ITPR1: variants seen among roughly 807,000 people sequenced by gnomAD.
ITPR1 encodes inositol 1,4,5-trisphosphate-gated calcium channel ITPR1.
A neutral mutation model predicts 318.4 loss-of-function variants in ITPR1; 96 were observed. The observed-to-expected ratio is 0.30, with a 90% CI of 0.26 to 0.36. The LOEUF is 0.36. Ranked by LOEUF, ITPR1 falls within the 10% of genes least tolerant of loss-of-function variation. ITPR1 has a pLI of 1.00. For synonymous variants in ITPR1, 1,312 were observed against 1,289.9 expected (o/e 1.02, Z -0.37); for missense variants, 2,440 against 3,460.2 (o/e 0.71, Z 7.40).
At chr3:4,835,376 G>A (rs1371377643) in intron 60 of ITPR1, among the ~76,000 whole-genome samples, 1 of 152,124 alleles carries the variant, frequency 6.6e-6, no homozygotes, top group Admixed American at 6.5e-5. Flanking sequence ...GCCCGCATTT[G>A]TAAATAAAGT....
intron 60 of ITPR1, 36 bp from the exon 61 acceptor site, chr3:4,836,738 T>C: frequency 2.2e-6 from 1 of 456,324 alleles, no homozygotes; most frequent in Non-Finnish European, 2.9e-6. Flanking sequence ...ACTCAGTCTT[T>C]TTTTTTTTTT....
At chr3:4,749,473 T>A (rs1001668295) in intron 44 of ITPR1, 1 of 152,192 alleles carries the variant, frequency 6.6e-6, no homozygotes, top group African/African-American at 2.4e-5. Context: ...AAACACTGTA[T>A]ATAGAATTTT....
At chr3:4,654,678 G>A (rs2093667428) in intron 12 of ITPR1, among the ~76,000 whole-genome samples, 1 of 152,166 alleles carries the variant, frequency 6.6e-6, no homozygotes, top group Non-Finnish European at 1.5e-5. Context: ...TGGTATTGAG[G>A]GTGTTTCTTT....
At chr3:4,737,338 C>G (rs1468526577) in intron 44 of ITPR1, among the ~76,000 whole-genome samples, 2 of 152,098 alleles carry the variant, frequency 1.3e-5, no homozygotes, top group Non-Finnish European at 2.9e-5. Flanking sequence ...GAAGAAGGAC[C>G]AGCATCTCTC....
At chr3:4,697,981 T>C (rs2094586441) in intron 34 of ITPR1, among the ~76,000 whole-genome samples, 1 of 152,184 alleles carries the variant, frequency 6.6e-6, no homozygotes, top group East Asian at 1.9e-4. Flanking sequence ...AACTTGAGGA[T>C]TCTGCAAAAC....
chr3:4,497,649 C>A (rs915351402), intron 2 of ITPR1, among the ~76,000 whole-genome samples: 1 of 152,072 alleles, frequency 6.6e-6, no homozygotes, highest in Non-Finnish European at 1.5e-5. Flanking sequence ...AACAGCATGG[C>A]AGTTACTAAA....
chr3:4,604,540 T>C (rs954530127), intron 4 of ITPR1, among the ~76,000 whole-genome samples: 1 of 152,168 alleles, frequency 6.6e-6, no homozygotes, highest in South Asian at 2.1e-4. Flanking sequence ...GCTATCTGGC[T>C]GCAATGACAA....
chr3:4,610,275 GT>G, intron 4 of ITPR1, among the ~76,000 whole-genome samples: 1 of 152,140 alleles, frequency 6.6e-6, no homozygotes, highest in African/African-American at 2.4e-5. Context: ...GGAGTTTCCT[GT>G]TGGTTCCTCC....
rs192190003 is a variant in ITPR1 at position 4,545,022 on chromosome 3, C to T, written c.163+23928C>T. 8.8e-4 allele frequency among the ~76,000 whole-genome samples: 134 copies of T among 152,140 alleles called. 1 individual carries two copies. The highest frequency in any genetic ancestry group is 3.1e-3 in the African/African-American group (128 of 41,510). On this transcript the variant is annotated intron_variant, in intron 4 of 61. Coordinates refer to ENST00000649015, the MANE Select transcript of ITPR1 (RefSeq NM_001378452.1). ...TGTTGCCCAAGCTGGTCTCGAACTCCTGGGCTCTAGCAATCCTTCCGCCTC... is the reference window on the plus strand; with the variant it reads ...TGTTGCCCAAGCTGGTCTCGAACTCTTGGGCTCTAGCAATCCTTCCGCCTC...
chr3:4,680,016 C>A (rs957324365), intron 24 of ITPR1, among the ~76,000 whole-genome samples: 18 of 152,080 alleles, frequency 1.2e-4, no homozygotes, highest in Non-Finnish European at 1.6e-4. Context: ...GGAAAAGTGA[C>A]CCTGTGTTGG....
chr3:4,788,067 A>G lies in ITPR1; in HGVS notation c.6736A>G (p.Ser2246Gly). 1 of 1,611,976 alleles carries G rather than the reference A, an allele frequency of 6.2e-7. No individual in the cohort carries two copies. The highest frequency in any genetic ancestry group is 8.5e-7 in the Non-Finnish European group (1 of 1,178,972). Reference protein sequence around the residue: ...YYTTERDEQGSKINDFFLRSE... With the variant: ...YYTTERDEQGGKINDFFLRSE... ...TACTACAGAGAGAGACGAACAAGGC[A>G]GCAAAATCAATGATTTCTTTCTGCG... is the stretch of plus-strand genomic sequence containing the variant. Residue 2246 changes from serine (S) to glycine (G), a missense_variant, in exon 52 of 62, where the codon AGC becomes GGC. Coordinates refer to ENST00000649015, the MANE Select transcript of ITPR1 (RefSeq NM_001378452.1).
chr3:4,614,693 CA>C (rs1387085387), intron 4 of ITPR1, among the ~76,000 whole-genome samples: 8 of 152,204 alleles, frequency 5.3e-5, no homozygotes, highest in African/African-American at 1.9e-4. Context: ...TGAGCTTTTA[CA>C]ACAGGCATGC....
At position 4,795,156 on chromosome 3, in the gene ITPR1, G is replaced by T. The variant is rs368681501; in HGVS notation, c.6900G>T (p.Ala2300=). ...CCGTCCTGATGAACCTGCTGGTGGC[G>T]TTTTTCTACCCGTTTAAGGGAGTCC... The part of the protein sequence containing the change: ...NLAVLMNLLV[A]FFYPFKGVRG... Residue 2300 remains alanine (A), a synonymous_variant, in exon 53 of 62, where the codon GCG becomes GCT. Coordinates refer to ENST00000649015, the MANE Select transcript of ITPR1 (RefSeq NM_001378452.1). 16 of 1,613,518 alleles carry T rather than the reference G, an allele frequency of 9.9e-6. No individual in the cohort carries two copies. The South Asian group carries it at 1.8e-4, about 18-fold the overall frequency.
intron 5 of ITPR1, among the ~76,000 whole-genome samples, chr3:4,632,721 T>A (rs748038170): frequency 6.6e-6 from 1 of 152,248 alleles, no homozygotes; most frequent in Non-Finnish European, 1.5e-5. Context: ...AGCAAGTCCT[T>A]TCGACACTCC....
intron 52 of ITPR1, among the ~76,000 whole-genome samples, chr3:4,790,686 T>G (rs182439084): frequency 6.6e-6 from 1 of 152,356 alleles, no homozygotes; most frequent in Admixed American, 6.5e-5. Flanking sequence ...TACCTTTTCC[T>G]GAATGTATTG....
intron 4 of ITPR1, among the ~76,000 whole-genome samples, chr3:4,576,553 T>C (rs1394930904): frequency 2.0e-5 from 3 of 152,196 alleles, no homozygotes; most frequent in African/African-American, 7.2e-5. Context: ...AGAGGCAGAC[T>C]CATTCCTGAG....
At chr3:4,711,627 G>GT in intron 38 of ITPR1, 130 bp from the exon 39 acceptor site, 1 of 637,532 alleles carries the variant, frequency 1.6e-6, no homozygotes, top group Non-Finnish European at 2.8e-6. Context: ...ATGCCCTGAA[G>GT]TATCTTTAAC....
intron 2 of ITPR1, among the ~76,000 whole-genome samples, chr3:4,502,798 A>G (rs2081119159): frequency 1.3e-5 from 2 of 151,928 alleles, no homozygotes; most frequent in African/African-American, 4.8e-5. Context: ...GAAAAGCCTT[A>G]CAGCCAGGCA....
chr3:4,684,952 T>C, intron 29 of ITPR1, 117 bp from the exon 30 acceptor site: 1 of 998,692 alleles, frequency 1.0e-6, no homozygotes, highest in Non-Finnish European at 1.5e-6. Context: ...AGGAATTTTG[T>C]TTTACGTTTT....
Sources: allele counts gnomAD v4.1 joint callset (sites outside exome capture counted in the v4.1 genomes callset), GRCh38; gene constraint gnomAD v4.1.1; transcripts MANE v1.5; gene names NCBI Gene and HGNC (gene_info 2026-07-23, HGNC 2026-07-21).